Variants in COG6 observed in about 807,000 individuals in gnomAD.
COG6 encodes the protein component of oligomeric golgi complex 6, also known as conserved oligomeric Golgi complex subunit 6.
In COG6, 74 loss-of-function variants were observed where a neutral mutation model predicts 88.8. The ratio of observed to expected loss-of-function variants is 0.83; its 90% CI spans 0.69 to 1.01. The LOEUF is 1.01. Ranked by LOEUF, COG6 falls within the 50% of genes least tolerant of loss-of-function variation. COG6 has a pLI of 0.00. For missense variants in COG6, 800 were observed against 797.9 expected (o/e 1.00, Z -0.03); for synonymous variants, 286 against 278.7 (o/e 1.03, Z -0.26).
At chr13:39,674,398 G>A (rs1429566563) in intron 4 of COG6, among the ~76,000 whole-genome samples, 1 of 151,988 alleles carries the variant, frequency 6.6e-6, no homozygotes, top group African/African-American at 2.4e-5. Context: ...GAACCTAGAG[G>A]TAGAATTAAG....
At chr13:39,663,215 C>T (rs1225842608) in intron 3 of COG6, among the ~76,000 whole-genome samples, 1 of 151,616 alleles carries the variant, frequency 6.6e-6, no homozygotes, top group Non-Finnish European at 1.5e-5. Context: ...GGAATTCTTA[C>T]CATAGTTTAT....
intron 18 of COG6, among the ~76,000 whole-genome samples, chr13:39,767,689 T>C (rs1469235140): frequency 2.0e-5 from 3 of 152,212 alleles, no homozygotes; most frequent in Admixed American, 2.0e-4. Flanking sequence ...TACAGGGTGA[T>C]AAAGACTTGT....
intron 18 of COG6, among the ~76,000 whole-genome samples, chr13:39,758,481 C>A (rs1191803129): frequency 6.6e-6 from 1 of 152,132 alleles, no homozygotes; most frequent in Non-Finnish European, 1.5e-5. Flanking sequence ...CTAACCCTAA[C>A]ATGAAAAAAT....
intron 2 of COG6, among the ~76,000 whole-genome samples, chr13:39,660,229 G>A (rs568724138): frequency 8.6e-5 from 13 of 152,014 alleles, no homozygotes; most frequent in African/African-American, 3.1e-4. Flanking sequence ...ATGTTGCCTG[G>A]GCTGGAGTGT....
chr13:39,746,530 A>T (rs1325619469), intron 18 of COG6, among the ~76,000 whole-genome samples: 1 of 152,188 alleles, frequency 6.6e-6, no homozygotes, highest in Non-Finnish European at 1.5e-5. Context: ...CTGAACTGAG[A>T]TGATTTGTTG....
chr13:39,656,059 C>T, intron 1 of COG6, 180 bp downstream of exon 1: 1 of 776,722 alleles, frequency 1.3e-6, no homozygotes, highest in South Asian at 1.5e-5. Flanking sequence ...GAAGGGGGAG[C>T]CCCAGCAACC....
At chr13:39,668,798 A>AG (rs1244001827) in intron 4 of COG6, among the ~76,000 whole-genome samples, 1 of 151,886 alleles carries the variant, frequency 6.6e-6, no homozygotes, top group Non-Finnish European at 1.5e-5. Flanking sequence ...AAAAAAAAAA[A>AG]AAAAGAAAAG....
chr13:39,658,209 C>T (rs896877333), intron 1 of COG6, among the ~76,000 whole-genome samples: 1 of 150,810 alleles, frequency 6.6e-6, no homozygotes, highest in Non-Finnish European at 1.5e-5. Context: ...ATGGAGAGAA[C>T]ATGGCCTTAC....
intron 7 of COG6, among the ~76,000 whole-genome samples, chr13:39,681,468 T>C (rs1366450814): frequency 6.6e-6 from 1 of 152,190 alleles, no homozygotes; most frequent in African/African-American, 2.4e-5. Flanking sequence ...GGTTCCCAAC[T>C]GTGGGCTCTG....
Position 39,689,796 on chromosome 13 carries a change from T to C in COG6, c.1046T>C (p.Ile349Thr). ...AATATTCAAGAAGTTGTTGGGCATATCACTGAAGGTGTGTGCAGGCCTCTA... is the reference window on the plus strand; with the variant it reads ...AATATTCAAGAAGTTGTTGGGCATACCACTGAAGGTGTGTGCAGGCCTCTA... ...EENIQEVVGH[I>T]TEGVCRPLKV... The change falls in exon 11 of 19, where the codon ATC becomes ACC. Residue 349 changes from isoleucine (I) to threonine (T), a missense_variant. Transcript: ENST00000455146. 1 of 1,610,200 alleles carries C rather than the reference T, an allele frequency of 6.2e-7. No homozygotes were observed. Among genetic ancestry groups the C allele is most frequent in the Non-Finnish European group, 8.5e-7 (1 of 1,177,516 alleles).
In COG6 at chr13:39,667,036, T is replaced by G. The variant is rs541961003; in HGVS notation, c.428+1882T>G. 7.9e-5 allele frequency among the ~76,000 whole-genome samples: 12 copies of G among 152,224 alleles called. No individual in the cohort carries two copies. The South Asian group carries it at 2.3e-3, about 29-fold the overall frequency. On this transcript the variant is annotated intron_variant, in intron 4 of 18. Coordinates refer to ENST00000455146, the MANE Select transcript of COG6 (RefSeq NM_020751.3). ...TAGAAGGATAATGGAGTTTTGGAGGTCAGATTCTCTCACCCTAATTTTAGT... is the reference window on the plus strand; with the variant it reads ...TAGAAGGATAATGGAGTTTTGGAGGGCAGATTCTCTCACCCTAATTTTAGT...
chr13:39,746,398 A>G (rs1286063854), intron 18 of COG6, among the ~76,000 whole-genome samples: 1 of 152,194 alleles, frequency 6.6e-6, no homozygotes, highest in Non-Finnish European at 1.5e-5. Context: ...GTGCATGCCC[A>G]TGCTAGAACC....
chr13:39,706,212 C>A (rs1877885569), intron 13 of COG6, among the ~76,000 whole-genome samples: 1 of 23,016 alleles, frequency 4.3e-5, no homozygotes, highest in African/African-American at 2.2e-4. Flanking sequence ...TATATATACT[C>A]CTTTATATAT....
Position 39,752,366 on chromosome 13 carries a change from A to G in COG6, c.*1273A>G. 1.1e-6 allele frequency: 1 copy of G among 916,160 alleles called. No individual in the cohort carries two copies. The highest frequency in any genetic ancestry group is 1.5e-6 in the Non-Finnish European group (1 of 673,478). The allele number at this position is 916,160 out of a possible 1,614,324, so 56.8% of individuals were successfully genotyped here. On this transcript the variant is annotated 3_prime_UTR_variant, in exon 19 of 19. Coordinates refer to ENST00000455146, the MANE Select transcript of COG6 (RefSeq NM_020751.3). ...TGAAGTTTATAATTGTTTATACCTA[A>G]TACAGTTCTTTTTGGAGTAAGAATG...
At chr13:39,757,290 A>G (rs1264397693), downstream of COG6, among the ~76,000 whole-genome samples, 1 of 152,206 alleles carries the variant, frequency 6.6e-6, no homozygotes, top group Non-Finnish European at 1.5e-5. Flanking sequence ...AAAGTTTGTA[A>G]TGAAACACCA....
intron 13 of COG6, among the ~76,000 whole-genome samples, chr13:39,717,539 T>A (rs946021875): frequency 6.6e-6 from 1 of 152,102 alleles, no homozygotes; most frequent in Non-Finnish European, 1.5e-5. Context: ...AGTTCCTGTC[T>A]TTAAGTTCGC....
chr13:39,713,249 A>G (rs1182405904), intron 13 of COG6, among the ~76,000 whole-genome samples: 1 of 152,172 alleles, frequency 6.6e-6, no homozygotes, highest in African/African-American at 2.4e-5. Context: ...TGAAGTTCAT[A>G]AATTGTTTGT....
chr13:39,678,135 C>A (rs564199280), intron 5 of COG6: 13 of 425,242 alleles, frequency 3.1e-5, no homozygotes, highest in African/African-American at 2.7e-4. Flanking sequence ...AGCACGAACA[C>A]AGCTCACTGC....
intron 18 of COG6, among the ~76,000 whole-genome samples, chr13:39,784,581 TTTACTGTA>T (rs1305028882): frequency 1.3e-5 from 2 of 152,172 alleles, no homozygotes; most frequent in Non-Finnish European, 2.9e-5. Context: ...GAGCTTTTAG[TTTACTGTA>T]AAGGAGTGAA....
Sources: allele counts gnomAD v4.1 joint callset (sites outside exome capture counted in the v4.1 genomes callset), GRCh38; gene constraint gnomAD v4.1.1; transcripts MANE v1.5; gene names NCBI Gene and HGNC (gene_info 2026-07-23, HGNC 2026-07-21).